USP35: variants seen among roughly 807,000 people sequenced by gnomAD.
USP35 encodes ubiquitin carboxyl-terminal hydrolase 35.
Under a neutral mutation model 83.8 loss-of-function variants are expected in USP35, and 69 were observed. The ratio of observed to expected loss-of-function variants is 0.82; its 90% confidence interval spans 0.68 to 1.01. The LOEUF (loss-of-function observed/expected upper bound fraction) is 1.01, where lower values mean the gene tolerates loss of function less well. Ranked by LOEUF, USP35 falls within the 50% of genes least tolerant of loss-of-function variation. USP35 has a pLI of 0.00. For missense variants in USP35, 1,503 were observed against 1,362.5 expected (o/e 1.10, Z -1.62); for synonymous variants, 714 against 589.5 (o/e 1.21, Z -3.06).
chr11:78,213,451 T>TTG lies in USP35; in HGVS notation c.2890-195_2890-194insTG, dbSNP rs563687162. ...CAGCTGGCTCAGGGACTAGAGTTTT[T>TTG]ATTGAGAGGAGGGGGTCTTTTGAAG... is the stretch of plus-strand genomic sequence containing the variant. On this transcript the variant is annotated intron_variant, in intron 10 of 10. Transcript: ENST00000529308. Among the ~76,000 whole-genome samples the TTG allele has an allele frequency of 7.5e-3, 1,141 of 151,330 alleles. 16 individuals carry two copies. Among genetic ancestry groups the TTG allele is most frequent in the African/African-American group, 0.026 (1,066 of 40,648 alleles).
downstream of USP35, among the ~76,000 whole-genome samples, chr11:78,219,909 C>T (rs1432842114): frequency 6.6e-6 from 1 of 152,170 alleles, no homozygotes; most frequent in Non-Finnish European, 1.5e-5. Flanking sequence ...GAGGCTTTCC[C>T]AGGCCTGGAA....
chr11:78,226,562 C>G, the USP35 span: 2 of 1,490,106 alleles, frequency 1.3e-6, no homozygotes, highest in Non-Finnish European at 1.8e-6. Flanking sequence ...GCGGTCTCTG[C>G]TGAGGACTGC....
intron 9 of USP35, among the ~76,000 whole-genome samples, 168 bp from the exon 10 acceptor site, chr11:78,209,280 G>A (rs1423304722): frequency 6.8e-6 from 1 of 146,768 alleles, no homozygotes; most frequent in Non-Finnish European, 1.5e-5. Context: ...TGTAGCAAGC[G>A]TGCTGTTGTG....
the USP35 span, chr11:78,226,868 G>A: frequency 5.0e-6 from 8 of 1,614,036 alleles, no homozygotes; most frequent in African/African-American, 1.1e-4. Context: ...GGCTGCGGGG[G>A]AGGTCGTAGG....
the USP35 span, among the ~76,000 whole-genome samples, chr11:78,233,729 C>T: frequency 2.6e-5 from 4 of 152,160 alleles, no homozygotes; most frequent in Non-Finnish European, 4.4e-5. Flanking sequence ...GCCTCAGCCT[C>T]GCCAGTAGCT....
At position 78,209,525 on chromosome 11, in the gene USP35, A is replaced by AGCCCCCG; in HGVS notation, c.1676_1682dup (p.Ser562GlyfsTer45). On this transcript the variant is annotated frameshift_variant, in exon 10 of 11. Coordinates refer to ENST00000529308, the MANE Select transcript of USP35 (RefSeq NM_020798.4). LOFTEE classifies it high-confidence loss of function. ...TCCAGCTCGCCCTCTCCGCCCGAGG[A>AGCCCCCG]GCCCCCGGCCCCAAGTTCAACCTCT... 6.2e-7 allele frequency: 1 copy of AGCCCCCG among 1,614,088 alleles called. No homozygotes were observed.
In USP35 at chr11:78,200,667, C is replaced by T; in HGVS notation, c.1056C>T (p.Pro352=). The T allele has an allele frequency of 1.2e-6, 2 of 1,612,386 alleles. No individual in the cohort carries two copies. Among genetic ancestry groups the T allele is most frequent in the Non-Finnish European group, 1.7e-6 (2 of 1,179,016 alleles). ...EAFHLLLPHI[P]PMVASLVKED... is the part of the protein sequence containing the mutation. ...TCCCACAGCTCCTCCCTCACATCCC[C>T]CCCATGGTGGCCTCTCTGGTCAAGG... Residue 352 remains proline (P), a synonymous_variant, in exon 6 of 11, where the codon CCC becomes CCT. Coordinates refer to ENST00000529308, the MANE Select transcript of USP35 (RefSeq NM_020798.4).
rs773290333 is a variant in USP35 at position 78,210,560 on chromosome 11, C to T, written c.2705C>T (p.Ser902Phe). 2 of 1,613,110 alleles carry T rather than the reference C, an allele frequency of 1.2e-6. No homozygotes were observed. The highest frequency in any genetic ancestry group is 1.3e-5 in the African/African-American group (1 of 75,050). Residue 902 changes from serine to phenylalanine, a missense_variant, in exon 10 of 11, where the codon TCC becomes TTC. Transcript: ENST00000529308. ...AATGACACTCGGGTGTCCTTCTCTT[C>T]CTTCGAATCTGTCAGCAACGTCACC... ...LFNDTRVSFSSFESVSNVTSF... is the reference protein window; with the variant it reads ...LFNDTRVSFSFFESVSNVTSF...
intron 4 of USP35, 104 bp from the exon 5 acceptor site, chr11:78,200,028 TG>T: frequency 8.0e-7 from 1 of 1,249,540 alleles, no homozygotes; most frequent in Non-Finnish European, 1.2e-6. Flanking sequence ...TCCCTCTGCA[TG>T]GGTTTGAACT....
chr11:78,213,656 A>G lies in USP35; in HGVS notation c.2900A>G (p.Lys967Arg). The G allele has an allele frequency of 6.7e-7, 1 of 1,492,242 alleles. No individual in the cohort carries two copies. The highest frequency in any genetic ancestry group is 2.7e-5 in the East Asian group (1 of 37,264). 92.4% of individuals were successfully genotyped at this position (1,492,242 alleles called of 1,614,324 possible). A position where few individuals can be genotyped will look rare whatever the true frequency, so the allele number is the denominator to read the frequency against. Residue 967 changes from lysine (K) to arginine (R), a missense_variant, in exon 11 of 11, where the codon AAG (lysine) becomes AGG (arginine). Physicochemically the swap from Lys to Arg is conservative, Grantham distance 26. Transcript: ENST00000529308. Reference sequence around the variant, plus strand: ...CATCTGTGTTCCCAGGAGCAGGAGAAGGAGGCCCGGAGCAGGGCGGCCTAC... The same window carrying G: ...CATCTGTGTTCCCAGGAGCAGGAGAGGGAGGCCCGGAGCAGGGCGGCCTAC... Reference protein sequence around the residue: ...DNILYLQEQEKEARSRAAYIS... With the variant: ...DNILYLQEQEREARSRAAYIS...
the USP35 span, among the ~76,000 whole-genome samples, chr11:78,226,306 T>A: frequency 6.6e-6 from 1 of 152,262 alleles, no homozygotes; most frequent in East Asian, 1.9e-4. Context: ...GACCAACTGG[T>A]AAGGGATCTG....
chr11:78,209,030 CTG>C, intron 9 of USP35, 67 bp downstream of exon 9: 1 of 1,506,870 alleles, frequency 6.6e-7, no homozygotes, highest in South Asian at 1.2e-5. Flanking sequence ...CCCAGTACCT[CTG>C]AGCTGTGTTG....
Position 78,209,856 on chromosome 11 carries a change from T to C in USP35, c.2001T>C (p.Ala667=). 2 of 1,611,078 alleles carry C rather than the reference T, an allele frequency of 1.2e-6. No individual in the cohort carries two copies. The highest frequency in any genetic ancestry group is 1.7e-6 in the Non-Finnish European group (2 of 1,178,836). The change falls in exon 10 of 11, where the codon GCT becomes GCC. Residue 667 remains alanine (A), a synonymous_variant. Transcript: ENST00000529308. ...LYIEGLDSKE[A]GGQSSQEERI... ...TCGAAGGCCTGGACTCCAAGGAAGC[T>C]GGTGGGCAGAGCAGTCAGGAGGAAA...
At chr11:78,222,023 C>T in the USP35 span, 45 of 914,714 alleles carry the variant, frequency 4.9e-5, no homozygotes, top group South Asian at 9.2e-5. Context: ...CCAGCTGTCC[C>T]GGCCCACAGG....
downstream of USP35, chr11:78,215,345 G>C (rs1023669855): frequency 6.6e-6 from 1 of 152,562 alleles, no homozygotes; most frequent in African/African-American, 2.4e-5. Flanking sequence ...CACCACAGTA[G>C]AAAGGGACCT....
downstream of USP35, chr11:78,219,217 T>C (rs1005510814): frequency 1.7e-5 from 26 of 1,543,664 alleles, no homozygotes; most frequent in Admixed American, 4.4e-4. Context: ...AGAGGGGAGA[T>C]GGGAAGGGCC....
chr11:78,225,104 T>G, the USP35 span: 1 of 1,601,902 alleles, frequency 6.2e-7, no homozygotes, highest in African/African-American at 1.3e-5. Context: ...TAACCCACAC[T>G]CACCAGGAAA....
At chr11:78,219,558 C>G (rs912880680), downstream of USP35, 13 of 719,790 alleles carry the variant, frequency 1.8e-5, no homozygotes, top group Non-Finnish European at 2.9e-5. Context: ...CCTCAGGAGC[C>G]TGGCTTCTCT....
chr11:78,221,675 AC>A, the USP35 span: 1 of 1,597,876 alleles, frequency 6.3e-7, no homozygotes, highest in Non-Finnish European at 8.6e-7. Context: ...CGAAGGACTC[AC>A]CATAGGGACA....
Sources: gnomAD v4.1 joint callset for allele counts (sites outside exome capture counted in the v4.1 genomes callset) on GRCh38, gnomAD v4.1.1 for gene constraint, MANE v1.5 for transcripts, NCBI Gene and HGNC (gene_info 2026-07-23, HGNC 2026-07-21) for gene names.